RELCH: variants seen among roughly 807,000 people sequenced by gnomAD.
RELCH encodes RAB11 binding and LisH domain, coiled-coil and HEAT repeat containing.
Under a neutral mutation model 150.3 loss-of-function variants are expected in RELCH, and 41 were observed. The observed-to-expected ratio is 0.27, with a 90% CI of 0.21 to 0.35. The LOEUF (loss-of-function observed/expected upper bound fraction) is 0.35. Among genes scored for constraint, RELCH ranks in the 10% least tolerant of loss-of-function variants. RELCH has a pLI of 1.00. For synonymous variants in RELCH, 478 were observed against 531.8 expected (o/e 0.90, Z 1.39); for missense variants, 1,092 against 1,467.8 (o/e 0.74, Z 4.18).
chr18:62,243,583 ATATAAAGACTTT>A (rs1348452588), intron 10 of RELCH, among the ~76,000 whole-genome samples: 1 of 152,118 alleles, frequency 6.6e-6, no homozygotes, highest in Non-Finnish European at 1.5e-5. Flanking sequence ...GATTTGCAAT[ATATAAAGACTTT>A]AGAAACAACG....
intron 5 of RELCH, among the ~76,000 whole-genome samples, chr18:62,224,633 A>G (rs1168065323): frequency 6.6e-6 from 1 of 152,174 alleles, no homozygotes; most frequent in East Asian, 1.9e-4. Context: ...ATTGGAAATC[A>G]AATTTTTAAA....
Position 62,190,924 on chromosome 18 carries a change from C to T in RELCH, c.526+2893C>T, listed in dbSNP as rs557489130. The stretch of plus-strand genomic sequence containing the variant: ...GCATAATTGCCCCAGTTGAGAACTA[C>T]GTCTTTAGATAAGTTTTGCCTGTTC... On this transcript the variant is annotated intron_variant, in intron 1 of 28. Coordinates refer to ENST00000644646, the MANE Select transcript of RELCH (RefSeq NM_001346231.2). Among the ~76,000 whole-genome samples the T allele has an allele frequency of 1.2e-4, 19 of 152,278 alleles. 1 individual carries two copies. The South Asian group carries it at 2.3e-3, about 18-fold the overall frequency.
At chr18:62,239,357 T>C (rs1274733585) in intron 10 of RELCH, among the ~76,000 whole-genome samples, 1 of 151,846 alleles carries the variant, frequency 6.6e-6, no homozygotes, top group African/African-American at 2.4e-5. Flanking sequence ...ATGTGAGTCT[T>C]TGTAATGTCT....
intron 25 of RELCH, among the ~76,000 whole-genome samples, chr18:62,286,246 G>A (rs1474694208): frequency 6.6e-6 from 1 of 152,172 alleles, no homozygotes; most frequent in African/African-American, 2.4e-5. Flanking sequence ...TCACTATTTT[G>A]TTGAGGCCTC....
chr18:62,247,848 A>T (rs1262152278), intron 11 of RELCH, among the ~76,000 whole-genome samples: 1 of 152,170 alleles, frequency 6.6e-6, no homozygotes, highest in Non-Finnish European at 1.5e-5. Flanking sequence ...TGCCGAGCTG[A>T]TAAATTTCAC....
chr18:62,298,808 A>G lies in RELCH; in HGVS notation c.3478A>G (p.Ile1160Val). 6.4e-7 allele frequency: 1 copy of G among 1,573,402 alleles called. No homozygotes were observed. The highest frequency in any genetic ancestry group is 8.7e-7 in the Non-Finnish European group (1 of 1,145,754). ...TAATCAGGTTATTTTAAGTTCCATG[A>G]TAAAAGAATGTGAACAAAAAGTTGA... ...PEHEVILSSM[I>V]KECEQKVENK... is the part of the protein sequence containing the mutation. Residue 1160 changes from isoleucine to valine, a missense_variant, in exon 28 of 29, where the codon ATA becomes GTA. Ile to Val is a conservative substitution (Grantham distance 29). Transcript: ENST00000644646.
intron 2 of RELCH, among the ~76,000 whole-genome samples, chr18:62,212,036 C>T (rs78275771): frequency 0.03 from 4,576 of 152,296 alleles, 103 homozygotes; most frequent in Non-Finnish European, 0.044. Flanking sequence ...CAATCTTCCT[C>T]CCTTCCCATC....
At chr18:62,298,634 C>T (rs1041451636) in intron 27 of RELCH, among the ~76,000 whole-genome samples, 156 bp from the exon 28 acceptor site, 1 of 152,096 alleles carries the variant, frequency 6.6e-6, no homozygotes, top group African/African-American at 2.4e-5. Flanking sequence ...CCTAGTCTAG[C>T]AATCTAATAT....
intron 14 of RELCH, 32 bp downstream of exon 14, chr18:62,258,120 CA>C: frequency 6.5e-7 from 1 of 1,533,900 alleles, no homozygotes; most frequent in Middle Eastern, 2.0e-4. Context: ...GATTTTACTC[CA>C]TTATAAAATT....
At chr18:62,266,231 A>G (rs2043554761) in intron 18 of RELCH, among the ~76,000 whole-genome samples, 1 of 151,858 alleles carries the variant, frequency 6.6e-6, no homozygotes, top group Admixed American at 6.6e-5. Flanking sequence ...AAAGATGAAC[A>G]TAAATATCAC....
At chr18:62,222,827 A>G (rs1272232772) in intron 5 of RELCH, among the ~76,000 whole-genome samples, 2 of 152,100 alleles carry the variant, frequency 1.3e-5, no homozygotes, top group Non-Finnish European at 2.9e-5. Flanking sequence ...GGGTTATAAA[A>G]CAAGTCTTAA....
At chr18:62,232,259 G>T (rs1299811696) in intron 9 of RELCH, 73 bp from the exon 10 acceptor site, 14 of 931,114 alleles carry the variant, frequency 1.5e-5, no homozygotes, top group Non-Finnish European at 2.3e-5. Flanking sequence ...AGGGCCTAAA[G>T]AATGAACTTT....
intron 2 of RELCH, among the ~76,000 whole-genome samples, chr18:62,216,087 A>G (rs2040459560): frequency 6.6e-6 from 1 of 152,112 alleles, no homozygotes; most frequent in African/African-American, 2.4e-5. Flanking sequence ...CTTAGTGCAT[A>G]TACAATGTAC....
chr18:62,273,891 G>C (rs1222231929), intron 20 of RELCH, 89 bp from the exon 21 acceptor site: 2 of 797,928 alleles, frequency 2.5e-6, no homozygotes, highest in African/African-American at 3.5e-5. Flanking sequence ...CCCTTATTTG[G>C]TAACATTTTC....
Position 62,204,574 on chromosome 18 carries a change from C to T in RELCH, c.527-6579C>T, listed in dbSNP as rs557933191. On this transcript the variant is annotated intron_variant, in intron 1 of 28. Coordinates refer to ENST00000644646, the MANE Select transcript of RELCH (RefSeq NM_001346231.2). ...CTCAAACCCCTCAAACAGTCCCCCG[C>T]CTCAGCCTCCCAAAGCGCTCTGATG... Among the ~76,000 whole-genome samples the T allele has an allele frequency of 2.6e-3, 393 of 152,222 alleles. 3 individuals are homozygous for T. The highest frequency in any genetic ancestry group is 8.9e-3 in the African/African-American group (368 of 41,538).
chr18:62,226,569 A>G (rs1019049990), intron 5 of RELCH, among the ~76,000 whole-genome samples: 1 of 152,148 alleles, frequency 6.6e-6, no homozygotes, highest in Non-Finnish European at 1.5e-5. Context: ...TATAACCTAT[A>G]AATAATAGGT....
rs1214215764 is a variant in RELCH at position 62,306,048 on chromosome 18, G to T, written c.*514G>T. On this transcript the variant is annotated 3_prime_UTR_variant, in exon 29 of 29. Transcript: ENST00000644646. ...CTCTGTGCCTTTTGGACATCAGTTT[G>T]TGTGTTCTGTAGGAATTGTGTGCAT... 1 of 152,634 alleles carries T rather than the reference G, an allele frequency of 6.6e-6. No homozygotes were observed. The highest frequency in any genetic ancestry group is 1.5e-5 in the Non-Finnish European group (1 of 68,048). 9.5% of individuals were successfully genotyped at this position (152,634 alleles called of 1,614,324 possible).
chr18:62,194,312 T>G (rs929901965), intron 1 of RELCH, among the ~76,000 whole-genome samples: 1 of 152,210 alleles, frequency 6.6e-6, no homozygotes, highest in Non-Finnish European at 1.5e-5. Flanking sequence ...TCCAGTTGAC[T>G]GTTTTTTTCT....
Position 62,187,400 on chromosome 18 carries a change from C to A in RELCH, c.-106C>A. ...TCTAAGTCGGGAGGCAGGACGTGGT[C>A]AGGCCGGGGCTGTGGAGGTGCGCTG... On this transcript the variant is annotated 5_prime_UTR_variant, in exon 1 of 29. Coordinates refer to ENST00000644646, the MANE Select transcript of RELCH (RefSeq NM_001346231.2). 2 of 1,130,994 alleles carry A rather than the reference C, an allele frequency of 1.8e-6. No homozygotes were observed. Among genetic ancestry groups the A allele is most frequent in the Non-Finnish European group, 2.4e-6 (2 of 838,494 alleles). The allele number at this position is 1,130,994 out of a possible 1,614,324, so 70.1% of individuals were successfully genotyped here. A position where few individuals can be genotyped will look rare whatever the true frequency, so the allele number is the denominator to read the frequency against.
Sources: gnomAD v4.1 joint callset for allele counts (sites outside exome capture counted in the v4.1 genomes callset) on GRCh38, gnomAD v4.1.1 for gene constraint, MANE v1.5 for transcripts, NCBI Gene and HGNC (gene_info 2026-07-23, HGNC 2026-07-21) for gene names.